TRAK1: variants seen among roughly 807,000 people sequenced by gnomAD.
The protein encoded by TRAK1 is trafficking kinesin-binding protein 1.
In TRAK1, 33 loss-of-function variants were observed where a neutral mutation model predicts 92.1. The observed-to-expected ratio is 0.36, with a 90% CI of 0.27 to 0.48. The LOEUF (loss-of-function observed/expected upper bound fraction) is 0.48, where lower values mean the gene tolerates loss of function less well. Among genes scored for constraint, TRAK1 ranks in the 20% least tolerant of loss-of-function variants. TRAK1 has a pLI of 0.99. For synonymous variants in TRAK1, 521 were observed against 517.3 expected (o/e 1.01, Z -0.10); for missense variants, 1,123 against 1,257.9 (o/e 0.89, Z 1.62).
At chr3:42,211,585 A>G (rs1466537500) in intron 14 of TRAK1, 2 of 985,202 alleles carry the variant, frequency 2.0e-6, no homozygotes, top group Middle Eastern at 5.2e-4. Flanking sequence ...GTTGATTGGG[A>G]TGCTCCCCTA....
intron 1 of TRAK1, among the ~76,000 whole-genome samples, chr3:42,118,388 C>T (rs912525675): frequency 1.3e-5 from 2 of 152,136 alleles, no homozygotes; most frequent in African/African-American, 4.8e-5. Context: ...CACTGCGCCC[C>T]GCTGAGATCT....
intron 1 of TRAK1, among the ~76,000 whole-genome samples, chr3:42,121,426 A>AT (rs1417283996): frequency 6.6e-6 from 1 of 151,456 alleles, no homozygotes; most frequent in African/African-American, 2.4e-5. Context: ...CGCCTGGCTA[A>AT]TTTTTTGTAT....
chr3:42,210,106 A>AGGAGGC (rs2149506087), intron 14 of TRAK1, 121 bp downstream of exon 14: 11 of 1,611,680 alleles, frequency 6.8e-6, no homozygotes, highest in Non-Finnish European at 9.3e-6. Context: ...GAGGAGGAGG[A>AGGAGGC]GGAGGAGGAG....
At chr3:42,192,226 T>C (rs1469054245) in intron 7 of TRAK1, among the ~76,000 whole-genome samples, 1 of 152,180 alleles carries the variant, frequency 6.6e-6, no homozygotes, top group South Asian at 2.1e-4. Flanking sequence ...TTTTAATGCC[T>C]AAGTTAGGCC....
chr3:42,202,534 A>T lies in TRAK1; in HGVS notation c.1526A>T (p.Tyr509Phe). 1 of 1,557,712 alleles carries T rather than the reference A, an allele frequency of 6.4e-7. No homozygotes were observed. Among genetic ancestry groups the T allele is most frequent in the East Asian group, 2.3e-5 (1 of 43,280 alleles). ...CGGCTGTCCCTGCGCCGGGAGAACTACCTCTCGGAGAGGAGGTTCTTTGAG... is the reference window on the plus strand; with the variant it reads ...CGGCTGTCCCTGCGCCGGGAGAACTTCCTCTCGGAGAGGAGGTTCTTTGAG... ...LRRLSLRREN[Y>F]LSERRFFEEE... Residue 509 changes from tyrosine to phenylalanine, a missense_variant, in exon 13 of 16, where the codon TAC becomes TTC. Around this residue, in one of 3 missense-constraint regions of TRAK1, gnomAD observed 686 missense variants for 747.6 expected, o/e 0.92. Transcript: ENST00000327628. This position sits in a 1 kb window ranked among gnomAD's most constrained non-coding sequence, Gnocchi z 6.1.
chr3:42,204,097 T>C, intron 13 of TRAK1: 1 of 985,796 alleles, frequency 1.0e-6, no homozygotes, highest in Non-Finnish European at 1.2e-6. Flanking sequence ...GCTTACTCTT[T>C]TTTAATTGTT....
intron 1 of TRAK1, among the ~76,000 whole-genome samples, chr3:42,066,778 C>G (rs907082526): frequency 6.6e-6 from 1 of 152,174 alleles, no homozygotes; most frequent in Non-Finnish European, 1.5e-5. Context: ...ACTGTTTATT[C>G]ACTTGGTGTG....
intron 1 of TRAK1, among the ~76,000 whole-genome samples, chr3:42,079,474 C>CTTTTTTTTTTTTTTTTTTTTTTT (rs374173062): frequency 6.7e-5 from 9 of 133,944 alleles, no homozygotes; most frequent in Non-Finnish European, 1.1e-4. Context: ...GAAGCTCCTT[C>CTTTTTTTTTTTTTTTTTTTTTTT]TTCTTTTTTT....
intron 3 of TRAK1, among the ~76,000 whole-genome samples, chr3:42,178,612 A>C (rs1703537602): frequency 6.6e-6 from 1 of 152,006 alleles, no homozygotes; most frequent in African/African-American, 2.4e-5. Context: ...TGAACAATTT[A>C]TTTTTTATTT....
intron 1 of TRAK1, among the ~76,000 whole-genome samples, chr3:42,070,209 T>C (rs923055639): frequency 6.7e-6 from 1 of 148,320 alleles, no homozygotes; most frequent in African/African-American, 2.5e-5. Flanking sequence ...TGCACCCTTG[T>C]CAGCAGCAAT....
chr3:42,015,336 GT>G (rs1701475048), intron 1 of TRAK1, among the ~76,000 whole-genome samples: 1 of 152,210 alleles, frequency 6.6e-6, no homozygotes, highest in African/African-American at 2.4e-5. Context: ...TTTGGCAACA[GT>G]TGGGTTTCAG....
intron 2 of TRAK1, among the ~76,000 whole-genome samples, chr3:42,151,990 T>G (rs1006882494): frequency 6.6e-6 from 1 of 152,220 alleles, no homozygotes; most frequent in Non-Finnish European, 1.5e-5. Context: ...AATTGCAGTG[T>G]TAGCACTGAA....
chr3:42,108,095 A>C (rs1308579494), intron 1 of TRAK1, among the ~76,000 whole-genome samples: 1 of 152,108 alleles, frequency 6.6e-6, no homozygotes, highest in Non-Finnish European at 1.5e-5. Context: ...GGGGAGGCTA[A>C]GAAATGTAGT....
rs768976853 is a variant in TRAK1 at position 42,180,469 on chromosome 3, C to CA, written c.363+3584dup. On this transcript the variant is annotated intron_variant, in intron 3 of 15. Transcript: ENST00000327628. ...GTAGCATAGTGAGACCCTGTCTCTACAAAAAGTTAGACGCTGTAACTGAAG... is the reference window on the plus strand; with the variant it reads ...GTAGCATAGTGAGACCCTGTCTCTACAAAAAAGTTAGACGCTGTAACTGAAG... 3.3e-5 allele frequency among the ~76,000 whole-genome samples: 5 copies of CA among 152,144 alleles called. No homozygotes were observed. The East Asian group carries it at 9.7e-4, about 29-fold the overall frequency.
intron 1 of TRAK1, among the ~76,000 whole-genome samples, chr3:42,063,190 T>C (rs75851484): frequency 0.083 from 12,663 of 152,342 alleles, 573 homozygotes; most frequent in Non-Finnish European, 0.1. Flanking sequence ...TCTGACTGCC[T>C]TCCAGCTACA....
upstream of TRAK1, among the ~76,000 whole-genome samples, chr3:42,086,828 GTGTT>G (rs931734202): frequency 1.3e-5 from 2 of 152,150 alleles, no homozygotes; most frequent in Admixed American, 6.6e-5. Context: ...GTGCTCCAGT[GTGTT>G]TCTTTGCTTA....
intron 1 of TRAK1, among the ~76,000 whole-genome samples, chr3:42,068,561 T>G (rs909308549): frequency 2.0e-5 from 3 of 152,218 alleles, no homozygotes; most frequent in African/African-American, 7.2e-5. Context: ...TCTTTGAGTT[T>G]TACCGTGTTC....
chr3:42,104,518 G>A (rs558033229), intron 1 of TRAK1, among the ~76,000 whole-genome samples: 1 of 152,304 alleles, frequency 6.6e-6, no homozygotes, highest in South Asian at 2.1e-4. Context: ...GGATCAGGCA[G>A]CAACGTCTGC....
intron 1 of TRAK1, among the ~76,000 whole-genome samples, chr3:42,050,051 T>C (rs1702917688): frequency 6.6e-6 from 1 of 152,152 alleles, no homozygotes; most frequent in Non-Finnish European, 1.5e-5. Flanking sequence ...ACACTTGGCC[T>C]TTTTCACCGG....
Sources: gnomAD v4.1 joint callset for allele counts (sites outside exome capture counted in the v4.1 genomes callset) on GRCh38, gnomAD v4.1.1 for gene constraint, gnomAD v4.1.1 regional missense constraint, Gnocchi (gnomAD v3.1) non-coding constraint, MANE v1.5 for transcripts, NCBI Gene and HGNC (gene_info 2026-07-23, HGNC 2026-07-21) for gene names.